Variants in RPA3 observed in about 807,000 individuals in gnomAD.
The protein encoded by RPA3 is replication protein A3.
Under a neutral mutation model 13.7 loss-of-function variants are expected in RPA3, and 24 were observed. The observed-to-expected ratio is 1.75, with a 90% CI of 1.27 to 2.46. The LOEUF (loss-of-function observed/expected upper bound fraction) is 2.46, where lower values mean the gene tolerates loss of function less well. Ranked by LOEUF, RPA3 falls within the 30% of genes most tolerant of loss-of-function variation. The pLI, the probability that RPA3 is intolerant of heterozygous loss-of-function variation, is 0.00. For synonymous variants in RPA3, 59 were observed against 51.2 expected, an observed-to-expected ratio of 1.15 and a Z score of -0.65; for missense variants, 183 against 151.0, an observed-to-expected ratio of 1.21 and a Z score of -1.11.
chr7:7,693,650 C>G (rs1366612530), intron 2 of RPA3, among the ~76,000 whole-genome samples: 4 of 151,992 alleles, frequency 2.6e-5, no homozygotes, highest in Non-Finnish European at 5.9e-5. Context: ...AATTCTATAA[C>G]TTTTAGTGGA....
rs566599351 is a variant in RPA3, at chr7:7,682,375, C to A, written c.-758+3455G>T. Among the ~76,000 whole-genome samples the A allele has an allele frequency of 2.6e-5, 4 of 152,230 alleles. No homozygotes were observed. The East Asian group carries it at 7.7e-4, about 29-fold the overall frequency. On this transcript the variant is annotated intron_variant, in intron 4 of 7. Transcript: ENST00000223129. ...AGTGAGTTATTTTTAAGATTATCTC[C>A]TATGGAATTCCTCATTCTGGGAACC... is the stretch of plus-strand genomic sequence containing the variant.
At chr7:7,686,601 C>G (rs1408612742) in intron 3 of RPA3, among the ~76,000 whole-genome samples, 1 of 152,170 alleles carries the variant, frequency 6.6e-6, no homozygotes, top group African/African-American at 2.4e-5. Flanking sequence ...AGAGAAACCA[C>G]AACAACAAAT....
intron 2 of RPA3, among the ~76,000 whole-genome samples, chr7:7,690,945 G>GT (rs1367529403): frequency 6.6e-6 from 1 of 152,134 alleles, no homozygotes; most frequent in Non-Finnish European, 1.5e-5. Context: ...ATATTTAAAT[G>GT]TTTTTTATCC....
intron 4 of RPA3, among the ~76,000 whole-genome samples, chr7:7,650,684 A>C (rs879755102): frequency 1.3e-5 from 2 of 152,240 alleles, no homozygotes; most frequent in Non-Finnish European, 2.9e-5. Flanking sequence ...TGGCAATGTT[A>C]CTTGTGCCAA....
At chr7:7,666,517 C>G (rs563034416) in intron 4 of RPA3, among the ~76,000 whole-genome samples, 1 of 151,920 alleles carries the variant, frequency 6.6e-6, no homozygotes, top group East Asian at 1.9e-4. Flanking sequence ...CGGGGCAAAT[C>G]TTTTTAATTT....
At chr7:7,675,118 G>GC (rs551429441) in intron 4 of RPA3, among the ~76,000 whole-genome samples, 231 of 152,168 alleles carry the variant, frequency 1.5e-3, no homozygotes, top group African/African-American at 5.3e-3. Context: ...TCCTGCCTCG[G>GC]CCCCCCAAAG....
chr7:7,648,286 G>C (rs1448906336), intron 4 of RPA3, among the ~76,000 whole-genome samples: 1 of 151,706 alleles, frequency 6.6e-6, no homozygotes, highest in Non-Finnish European at 1.5e-5. Context: ...CTCTGCTTAA[G>C]TTTTCTCCGC....
chr7:7,662,155 T>TC (rs68011767), intron 4 of RPA3, among the ~76,000 whole-genome samples: 2 of 151,996 alleles, frequency 1.3e-5, no homozygotes, highest in African/African-American at 2.4e-5. Flanking sequence ...CAGATGCCCT[T>TC]CCCCCCACCA....
chr7:7,641,388 G>C (rs754135934), intron 4 of RPA3: 1 of 152,274 alleles, frequency 6.6e-6, no homozygotes, highest in South Asian at 2.1e-4. Flanking sequence ...GGTTCCCCGA[G>C]CTAGGGTTCT....
At chr7:7,695,603 T>C (rs1297493239) in intron 2 of RPA3, among the ~76,000 whole-genome samples, 1 of 152,158 alleles carries the variant, frequency 6.6e-6, no homozygotes, top group Non-Finnish European at 1.5e-5. Context: ...ACACATTGAA[T>C]TTCTGGCAGT....
At chr7:7,708,928 T>G (rs1374829870) in intron 2 of RPA3, among the ~76,000 whole-genome samples, 1 of 151,478 alleles carries the variant, frequency 6.6e-6, no homozygotes, top group Non-Finnish European at 1.5e-5. Flanking sequence ...TTTGTGTGTC[T>G]GTGTGTGTGT....
intron 4 of RPA3, among the ~76,000 whole-genome samples, chr7:7,654,759 C>T (rs1232531185): frequency 6.6e-6 from 1 of 151,968 alleles, no homozygotes; most frequent in Non-Finnish European, 1.5e-5. Context: ...CAAAAATTAG[C>T]CAGGTGTGGT....
At chr7:7,673,754 C>T (rs1779672699) in intron 4 of RPA3, among the ~76,000 whole-genome samples, 1 of 150,958 alleles carries the variant, frequency 6.6e-6, no homozygotes, top group Non-Finnish European at 1.5e-5. Context: ...TTCAAGAATC[C>T]TTGATGAATT....
intron 4 of RPA3, chr7:7,673,387 A>G (rs1333959695): frequency 1.6e-6 from 2 of 1,216,184 alleles, no homozygotes; most frequent in Admixed American, 2.0e-5. Context: ...TCACTTCTTC[A>G]GAAAGCCTCC....
At chr7:7,651,043 T>C (rs1034261218) in intron 4 of RPA3, among the ~76,000 whole-genome samples, 1 of 152,204 alleles carries the variant, frequency 6.6e-6, no homozygotes. Context: ...AACCCCTCTG[T>C]AGCCAAAGAG....
In RPA3 at chr7:7,639,117, G is replaced by A. The variant is rs776676448; in HGVS notation, c.127C>T (p.Leu43Phe). The A allele has an allele frequency of 6.2e-7, 1 of 1,611,986 alleles. No individual in the cohort carries two copies. The highest frequency in any genetic ancestry group is 1.1e-5 in the South Asian group (1 of 90,446). The change falls in exon 6 of 8, where the codon CTT becomes TTT. Residue 43 changes from leucine to phenylalanine, a missense_variant. By Grantham distance (22) the Leu-to-Phe change is conservative. Coordinates refer to ENST00000223129, the MANE Select transcript of RPA3 (RefSeq NM_002947.5). The stretch of plus-strand genomic sequence containing the variant: ...CCATTTTTTCCTTCTCCATCTGAAA[G>A]AATAAACATTTTTCCGGTGGGATGA... Reference protein sequence around the residue: ...KIHPTGKMFILSDGEGKNGTI... With the variant: ...KIHPTGKMFIFSDGEGKNGTI...
chr7:7,677,620 G>A (rs1160303935), intron 4 of RPA3, among the ~76,000 whole-genome samples: 2 of 147,100 alleles, frequency 1.4e-5, no homozygotes, highest in African/African-American at 5.1e-5. Flanking sequence ...GTATTCCATT[G>A]TGTATATGTA....
At chr7:7,681,622 C>CATTA (rs1779914777) in intron 4 of RPA3, among the ~76,000 whole-genome samples, 1 of 152,130 alleles carries the variant, frequency 6.6e-6, no homozygotes, top group South Asian at 2.1e-4. Flanking sequence ...TTGAAGTAAT[C>CATTA]CTCCAGGGTA....
intron 2 of RPA3, among the ~76,000 whole-genome samples, chr7:7,688,814 C>T (rs1189163627): frequency 6.6e-6 from 1 of 152,176 alleles, no homozygotes; most frequent in Non-Finnish European, 1.5e-5. Flanking sequence ...AGCTGATCCT[C>T]AGTCTGTATA....
Sources: allele counts gnomAD v4.1 joint callset (sites outside exome capture counted in the v4.1 genomes callset), GRCh38; gene constraint gnomAD v4.1.1; transcripts MANE v1.5; gene names NCBI Gene and HGNC (gene_info 2026-07-23, HGNC 2026-07-21).